Variants in ZRANB3 observed in about 807,000 individuals in gnomAD.
The protein encoded by ZRANB3 is zinc finger RANBP2-type containing 3.
Under a neutral mutation model 133.8 loss-of-function variants are expected in ZRANB3, and 125 were observed. The ratio of observed to expected loss-of-function variants is 0.93; its 90% CI spans 0.81 to 1.08. The LOEUF (loss-of-function observed/expected upper bound fraction) is 1.08, where lower values mean the gene tolerates loss of function less well. ZRANB3 is among the 50% of genes least tolerant of loss of function. The pLI is 0.00. For synonymous variants in ZRANB3, 387 were observed against 432.7 expected (o/e 0.89, Z 1.31); for missense variants, 1,229 against 1,275.5 (o/e 0.96, Z 0.56).
intron 8 of ZRANB3, among the ~76,000 whole-genome samples, chr2:135,284,654 G>C (rs1397314475): frequency 6.6e-6 from 1 of 151,928 alleles, no homozygotes; most frequent in African/African-American, 2.4e-5. Context: ...TGTATTTTTA[G>C]TAGAAACGGG....
chr2:135,222,727 T>C (rs970487618), intron 15 of ZRANB3, among the ~76,000 whole-genome samples: 1 of 152,142 alleles, frequency 6.6e-6, no homozygotes, highest in South Asian at 2.1e-4. Context: ...TTTTTTTGAC[T>C]TGGAAAATAT....
At chr2:135,486,348 T>G (rs1030053975) in intron 2 of ZRANB3, among the ~76,000 whole-genome samples, 5 of 152,226 alleles carry the variant, frequency 3.3e-5, no homozygotes, top group Admixed American at 2.6e-4. Flanking sequence ...TCACCAAGAA[T>G]AGATTCCATC....
chr2:135,333,852 C>T (rs11899008), intron 6 of ZRANB3, among the ~76,000 whole-genome samples: 1 of 152,064 alleles, frequency 6.6e-6, no homozygotes, highest in African/African-American at 2.4e-5. Flanking sequence ...AAAACATATA[C>T]AGGCAACTGT....
At position 135,490,645 on chromosome 2, in the gene ZRANB3, T is replaced by A. The variant is rs142603763; in HGVS notation, c.161+13684A>T. The stretch of plus-strand genomic sequence containing the variant: ...ATGATCCAGCAATTCCACTACTGGG[T>A]ATATATCCAAAAGAAGAGAAATCAA... On this transcript the variant is annotated intron_variant, in intron 2 of 20. Transcript: ENST00000264159. 1.9e-4 allele frequency among the ~76,000 whole-genome samples: 29 copies of A among 152,266 alleles called. No individual in the cohort carries two copies. In the East Asian group the frequency reaches 3.1e-3, roughly 16 times the overall value.
chr2:135,479,733 C>A (rs1330219933), intron 2 of ZRANB3, among the ~76,000 whole-genome samples: 1 of 151,998 alleles, frequency 6.6e-6, no homozygotes, highest in South Asian at 2.1e-4. Flanking sequence ...AGAGCCAAGT[C>A]TCTCTATAGA....
intron 2 of ZRANB3, among the ~76,000 whole-genome samples, chr2:135,491,889 T>C (rs1179589651): frequency 3.3e-5 from 5 of 152,108 alleles, no homozygotes; most frequent in African/African-American, 9.7e-5. Flanking sequence ...AAATAACCAA[T>C]TGATATCGTG....
At chr2:135,331,623 ATCTG>A (rs201469963) in intron 6 of ZRANB3, among the ~76,000 whole-genome samples, 1,566 of 152,284 alleles carry the variant, frequency 0.01, 24 homozygotes, top group African/African-American at 0.036. Context: ...TGTGTCGCTG[ATCTG>A]TCTAATATTG....
intron 1 of ZRANB3, chr2:135,510,731 C>A: frequency 1.3e-6 from 1 of 799,904 alleles, no homozygotes; most frequent in South Asian, 1.3e-5. Context: ...TTCAGACAGA[C>A]CTCACCTCTG....
In ZRANB3 at chr2:135,351,981, T is replaced by C. The variant is rs1020370885; in HGVS notation, c.359+1469A>G. Among the ~76,000 whole-genome samples the C allele has an allele frequency of 3.3e-5, 5 of 152,318 alleles. No homozygotes were observed. In the East Asian group the frequency reaches 9.6e-4, roughly 29 times the overall value. On this transcript the variant is annotated intron_variant, in intron 4 of 20. Coordinates refer to ENST00000264159, the MANE Select transcript of ZRANB3 (RefSeq NM_032143.4). ...ATAATATAAAAACTAGATGCCCTAG[T>C]GGCTATAAAAGATGATAGAAGAGTC...
intron 6 of ZRANB3, among the ~76,000 whole-genome samples, chr2:135,319,853 G>C (rs1419070297): frequency 6.6e-6 from 1 of 152,110 alleles, no homozygotes; most frequent in African/African-American, 2.4e-5. Context: ...ACAACACTTG[G>C]TGATAACTCC....
At chr2:135,305,943 GA>G (rs1169987720) in intron 8 of ZRANB3, among the ~76,000 whole-genome samples, 7 of 152,096 alleles carry the variant, frequency 4.6e-5, no homozygotes, top group African/African-American at 1.7e-4. Context: ...TTTCTTTTGA[GA>G]AATCTGCTTT....
intron 3 of ZRANB3, among the ~76,000 whole-genome samples, chr2:135,357,457 G>A (rs1187925259): frequency 3.9e-5 from 6 of 152,058 alleles, no homozygotes; most frequent in Non-Finnish European, 5.9e-5. Flanking sequence ...CACCACTCCC[G>A]GCTAACTTTT....
chr2:135,506,077 T>C (rs1035486986), intron 1 of ZRANB3, among the ~76,000 whole-genome samples: 3 of 152,108 alleles, frequency 2.0e-5, no homozygotes, highest in African/African-American at 7.2e-5. Flanking sequence ...AAGGGCTTGG[T>C]GTTTTCGGAA....
rs377612024 is a variant in ZRANB3 at position 135,353,434 on chromosome 2, A to T, written c.359+16T>A. ...AGGAAGACTTTTCTCCTTAAATATT[A>T]AACAGTTGTTCTTACCTAACATCAG... On this transcript the variant is annotated intron_variant, in intron 4 of 20. Coordinates refer to ENST00000264159, the MANE Select transcript of ZRANB3 (RefSeq NM_032143.4). 7.2e-6 allele frequency: 11 copies of T among 1,537,066 alleles called. No homozygotes were observed. In the Middle Eastern group the frequency reaches 5.2e-4, roughly 73 times the overall value.
intron 8 of ZRANB3, among the ~76,000 whole-genome samples, chr2:135,302,421 T>C (rs1265180049): frequency 6.6e-6 from 1 of 152,184 alleles, no homozygotes; most frequent in Non-Finnish European, 1.5e-5. Flanking sequence ...CATTACCTAA[T>C]TTAGGGACAA....
chr2:135,335,499 C>G (rs752361039), intron 6 of ZRANB3, among the ~76,000 whole-genome samples: 1 of 152,050 alleles, frequency 6.6e-6, no homozygotes, highest in Non-Finnish European at 1.5e-5. Context: ...TCGACAACAG[C>G]TTGGCCAACA....
chr2:135,530,609 A>C (rs1322259612), intron 1 of ZRANB3: 1 of 152,234 alleles, frequency 6.6e-6, no homozygotes, highest in Non-Finnish European at 1.5e-5. Flanking sequence ...GTTCAACGGG[A>C]CAACGTGAAA....
intron 6 of ZRANB3, among the ~76,000 whole-genome samples, chr2:135,321,194 G>T (rs1683507790): frequency 6.6e-6 from 1 of 152,122 alleles, no homozygotes. Context: ...TGTATTGTCA[G>T]TGTATGCCAT....
chr2:135,300,547 T>C (rs1682378293), intron 8 of ZRANB3, among the ~76,000 whole-genome samples: 1 of 152,118 alleles, frequency 6.6e-6, no homozygotes, highest in African/African-American at 2.4e-5. Context: ...TTAATGGGGG[T>C]CTGGGCACAA....
Sources: allele counts gnomAD v4.1 joint callset (sites outside exome capture counted in the v4.1 genomes callset), GRCh38; gene constraint gnomAD v4.1.1; transcripts MANE v1.5; gene names NCBI Gene and HGNC (gene_info 2026-07-23, HGNC 2026-07-21).